Variants in RRP1B observed in about 807,000 individuals in gnomAD.
RRP1B encodes ribosomal RNA processing protein 1 homolog B.
RRP1B carries 56 observed loss-of-function variants against 80.2 expected under a neutral mutation model. That is an observed-to-expected ratio of 0.70 (90% confidence interval 0.56 to 0.87). The LOEUF (loss-of-function observed/expected upper bound fraction) is 0.87. Ranked by LOEUF, RRP1B falls within the 40% of genes least tolerant of loss-of-function variation. The probability of loss-of-function intolerance (pLI) is 0.00; values close to 1 mark genes in which losing one functional copy is unlikely to be tolerated. For synonymous variants in RRP1B, 351 were observed against 357.6 expected (o/e 0.98, Z 0.21); for missense variants, 807 against 939.8 (o/e 0.86, Z 1.85).
In RRP1B at chr21:43,669,924, G is replaced by A; in HGVS notation, c.171G>A (p.Gly57=). 6.2e-7 allele frequency: 1 copy of A among 1,613,122 alleles called. No homozygotes were observed. The highest frequency in any genetic ancestry group is 8.5e-7 in the Non-Finnish European group (1 of 1,179,278). The change falls in exon 2 of 16, where the codon GGG becomes GGA. Residue 57 remains glycine (G), a synonymous_variant. Transcript: ENST00000340648. The stretch of plus-strand genomic sequence containing the variant: ...AAGAACTTCTGAAAATCTGGAAGGG[G>A]CTCTTCTACTGCATGTGGGTGCAGG... ...SQEELLKIWK[G]LFYCMWVQDE...
At position 43,659,608 on chromosome 21, in the gene RRP1B, T is replaced by C; in HGVS notation, c.-57T>C. On this transcript the variant is annotated 5_prime_UTR_variant, in exon 1 of 16. Coordinates refer to ENST00000340648, the MANE Select transcript of RRP1B (RefSeq NM_015056.3). The surrounding 1 kb of genome is among the most constrained non-coding windows in gnomAD (Gnocchi z 4.2). Reference sequence around the variant, plus strand: ...ACGGTGGCTGGCTGCTCCGCAGCGCTCGGCTGGCTGCAGCGGCACCGCGGG... The same window carrying C: ...ACGGTGGCTGGCTGCTCCGCAGCGCCCGGCTGGCTGCAGCGGCACCGCGGG... The C allele has an allele frequency of 7.3e-7, 1 of 1,370,386 alleles. No individual in the cohort carries two copies. Among genetic ancestry groups the C allele is most frequent in the South Asian group, 1.7e-5 (1 of 58,596 alleles). 84.9% of individuals were successfully genotyped at this position (1,370,386 alleles called of 1,614,324 possible).
chr21:43,669,973 T>G lies in RRP1B; in HGVS notation c.213+7T>G, dbSNP rs1568955307. On this transcript the variant is annotated splice_region_variant and intron_variant, in intron 2 of 15. Coordinates refer to ENST00000340648, the MANE Select transcript of RRP1B (RefSeq NM_015056.3). The stretch of plus-strand genomic sequence containing the variant: ...GGATGAACCCCTTCTACAGGTAACA[T>G]GCGTTCCCTTTGTCATGCTCCCGGG... 7 of 1,589,754 alleles carry G rather than the reference T, an allele frequency of 4.4e-6. No homozygotes were observed. Among genetic ancestry groups the G allele is most frequent in the Non-Finnish European group, 5.2e-6 (6 of 1,161,020 alleles).
rs761894254 is a variant in RRP1B, at chr21:43,687,800, C to T, written c.1426C>T (p.Arg476Trp). Reference sequence around the variant, plus strand: ...CATGCACAATAAAAGGAAACGGCCACGGAAGAAGAGCCCGAGGGCCCACAG... The same window carrying T: ...CATGCACAATAAAAGGAAACGGCCATGGAAGAAGAGCCCGAGGGCCCACAG... ...VPMHNKRKRPRKKSPRAHREM... is the reference protein window; with the variant it reads ...VPMHNKRKRPWKKSPRAHREM... Residue 476 changes from arginine (R) to tryptophan (W), a missense_variant, in exon 13 of 16, where the codon CGG becomes TGG. Transcript: ENST00000340648. 1.2e-4 allele frequency: 186 copies of T among 1,613,138 alleles called. No individual in the cohort carries two copies. Among genetic ancestry groups the T allele is most frequent in the Admixed American group, 4.3e-4 (26 of 60,006 alleles).
At chr21:43,685,021 G>A (rs2083057701) in intron 10 of RRP1B, among the ~76,000 whole-genome samples, 1 of 152,068 alleles carries the variant, frequency 6.6e-6, no homozygotes, top group African/African-American at 2.4e-5. Context: ...CCTCCCATAT[G>A]GCTATGCCAA....
rs1336902603 is a variant in RRP1B at position 43,676,931 on chromosome 21, G to C, written c.796+17G>C. ...AGAAGACAGGTAGGAGGATGTTCTT[G>C]GTCAGTGTAGCTTTCTTTCTGCTAA... On this transcript the variant is annotated intron_variant, in intron 8 of 15. Transcript: ENST00000340648. 1 of 1,611,356 alleles carries C rather than the reference G, an allele frequency of 6.2e-7. No homozygotes were observed. Among genetic ancestry groups the C allele is most frequent in the African/African-American group, 1.3e-5 (1 of 74,928 alleles).
rs575307524 is a variant in RRP1B, at chr21:43,659,714, C to T, written c.50C>T (p.Ala17Val). The T allele has an allele frequency of 2.0e-6, 3 of 1,531,460 alleles. No individual in the cohort carries two copies. The highest frequency in any genetic ancestry group is 1.4e-5 in the African/African-American group (1 of 70,712). The allele number at this position is 1,531,460 out of a possible 1,614,324, so 94.9% of individuals were successfully genotyped here. A position where few individuals can be genotyped will look rare whatever the true frequency, so the allele number is the denominator to read the frequency against. The change falls in exon 1 of 16, where the codon GCG (alanine) becomes GTG (valine). Residue 17 changes from alanine (A) to valine (V), a missense_variant. By Grantham distance (64) the Ala-to-Val change is moderately conservative (BLOSUM62 0). Coordinates refer to ENST00000340648, the MANE Select transcript of RRP1B (RefSeq NM_015056.3). The surrounding 1 kb of genome is among the most constrained non-coding windows in gnomAD (Gnocchi z 4.2). ...GAGATCCAATTTGCCCAGCGGCTGGCGTCCAGCGAGAAGGGCATCCGGGAC... is the reference window on the plus strand; with the variant it reads ...GAGATCCAATTTGCCCAGCGGCTGGTGTCCAGCGAGAAGGGCATCCGGGAC... ...PAEIQFAQRL[A>V]SSEKGIRDRA...
chr21:43,666,694 G>A (rs2082979389), intron 1 of RRP1B, among the ~76,000 whole-genome samples: 2 of 149,936 alleles, frequency 1.3e-5, no homozygotes, highest in East Asian at 2.0e-4. Flanking sequence ...CTCCAGCCTG[G>A]GCGACAGAGT....
intron 1 of RRP1B, among the ~76,000 whole-genome samples, chr21:43,663,258 G>A (rs1375102938): frequency 6.6e-6 from 1 of 152,058 alleles, no homozygotes; most frequent in South Asian, 2.1e-4. Context: ...TGTTTACCTC[G>A]TTTGTTTTGT....
At position 43,670,267 on chromosome 21, in the gene RRP1B, T is replaced by C. The variant is rs572909686; in HGVS notation, c.213+301T>C. Among the ~76,000 whole-genome samples, 11 of 152,366 alleles carry C rather than the reference T, an allele frequency of 7.2e-5. No individual in the cohort carries two copies. The South Asian group carries it at 2.3e-3, about 32-fold the overall frequency. ...CTTAAAGTTTCTCTCTTCTGGTAAG[T>C]TTATTTTTTGTGGTCAAGGATGGCA... On this transcript the variant is annotated intron_variant, in intron 2 of 15. Transcript: ENST00000340648.
At position 43,662,965 on chromosome 21, in the gene RRP1B, C is replaced by T. The variant is rs546914033; in HGVS notation, c.130+3171C>T. Among the ~76,000 whole-genome samples the T allele has an allele frequency of 2.0e-5, 3 of 152,312 alleles. No individual in the cohort carries two copies. The East Asian group carries it at 5.8e-4, about 29-fold the overall frequency. ...ATTTGTATCATTGCTTTCTTTTTGG[C>T]AGCATACAAAATAACAGTACATCTT... On this transcript the variant is annotated intron_variant, in intron 1 of 15. Transcript: ENST00000340648.
chr21:43,665,736 C>T (rs1286066194), intron 1 of RRP1B, among the ~76,000 whole-genome samples: 2 of 152,034 alleles, frequency 1.3e-5, no homozygotes, highest in Non-Finnish European at 2.9e-5. Flanking sequence ...TGGCACCTTC[C>T]TCCTCCCTTG....
At position 43,669,562 on chromosome 21, in the gene RRP1B, G is replaced by A. The variant is rs1048256759; in HGVS notation, c.131-322G>A. ...ATGTCAGTGTGCAGGATGGCTGCAC[G>A]TGGTGGGCGGGGAGGGCGTTGATGA... On this transcript the variant is annotated intron_variant, in intron 1 of 15. Coordinates refer to ENST00000340648, the MANE Select transcript of RRP1B (RefSeq NM_015056.3). 3.9e-5 allele frequency among the ~76,000 whole-genome samples: 6 copies of A among 152,248 alleles called. No homozygotes were observed. In the East Asian group the frequency reaches 7.7e-4, roughly 20 times the overall value.
intron 8 of RRP1B, among the ~76,000 whole-genome samples, chr21:43,679,968 A>G (rs9974343): frequency 0.093 from 14,202 of 152,062 alleles, 2,216 homozygotes; most frequent in African/African-American, 0.32. Context: ...AGAAGGGAGT[A>G]AGTTCTTGAT....
At chr21:43,681,394 C>A (rs1259650222) in intron 8 of RRP1B, among the ~76,000 whole-genome samples, 1 of 145,440 alleles carries the variant, frequency 6.9e-6, no homozygotes. Flanking sequence ...TCGCTCTTGT[C>A]GCCCAGGCTG....
chr21:43,682,707 G>A (rs562582886), intron 8 of RRP1B, among the ~76,000 whole-genome samples: 1 of 152,222 alleles, frequency 6.6e-6, no homozygotes, highest in South Asian at 2.1e-4. Flanking sequence ...GACCACGTGT[G>A]GGGGAGGAAA....
intron 3 of RRP1B, 142 bp from the exon 4 acceptor site, chr21:43,673,728 C>A: frequency 3.9e-6 from 2 of 518,210 alleles, no homozygotes; most frequent in South Asian, 3.3e-5. Flanking sequence ...ATTTAATTAT[C>A]AACAGATTTT....
rs2083103899 is a variant in RRP1B at position 43,695,491 on chromosome 21, T to C, written c.*2108T>C. ...TAGATTCTATTGGTCCTTCTCTCAT[T>C]CTCCGAACTTACTCCTTTTTATGGG... On this transcript the variant is annotated 3_prime_UTR_variant, in exon 16 of 16. Transcript: ENST00000340648. The C allele has an allele frequency of 6.6e-6, 1 of 152,208 alleles. No individual in the cohort carries two copies. The highest frequency in any genetic ancestry group is 6.5e-5 in the Admixed American group (1 of 15,280). The allele number at this position is 152,208 out of a possible 1,614,324, so 9.4% of individuals were successfully genotyped here. A position where few individuals can be genotyped will look rare whatever the true frequency, so the allele number is the denominator to read the frequency against.
chr21:43,669,421 G>C (rs954339069), intron 1 of RRP1B, among the ~76,000 whole-genome samples: 1 of 152,172 alleles, frequency 6.6e-6, no homozygotes, highest in African/African-American at 2.4e-5. Context: ...CCTCAGCCTG[G>C]CTGGTTTTCT....
chr21:43,674,779 G>C (rs759999785), intron 5 of RRP1B, 82 bp downstream of exon 5: 1 of 1,265,332 alleles, frequency 7.9e-7, no homozygotes, highest in Non-Finnish European at 1.1e-6. Context: ...AACTTGTAGA[G>C]TACCAATGAG....
Sources: gnomAD v4.1 joint callset for allele counts (sites outside exome capture counted in the v4.1 genomes callset) on GRCh38, gnomAD v4.1.1 for gene constraint, Gnocchi (gnomAD v3.1) non-coding constraint, MANE v1.5 for transcripts, NCBI Gene and HGNC (gene_info 2026-07-23, HGNC 2026-07-21) for gene names.